The following ZBTB25 variants were observed in gnomAD, a reference collection of about 807,000 sequenced individuals.
ZBTB25 encodes zinc finger and BTB domain-containing protein 25.
ZBTB25 carries 20 observed loss-of-function variants against 34.2 expected under a neutral mutation model. That is an observed-to-expected ratio of 0.58 (90% CI 0.41 to 0.85). ZBTB25 has a LOEUF of 0.85. ZBTB25 is among the 40% of genes least tolerant of loss of function. The probability of loss-of-function intolerance (pLI) is 0.00; values close to 1 mark genes in which losing one functional copy is unlikely to be tolerated. For synonymous variants in ZBTB25, 175 were observed against 186.4 expected (o/e 0.94, Z 0.50); for missense variants, 437 against 521.8 (o/e 0.84, Z 1.58).
upstream of ZBTB25, chr14:64,504,558 C>T (rs2079606352): frequency 5.1e-6 from 1 of 195,446 alleles, no homozygotes; most frequent in Admixed American, 6.1e-5. Context: ...GTTGCGCCAG[C>T]CTCCTCGGAG....
chr14:64,488,768 T>A (rs2078968672), intron 2 of ZBTB25, among the ~76,000 whole-genome samples: 1 of 152,184 alleles, frequency 6.6e-6, no homozygotes, highest in Non-Finnish European at 1.5e-5. Flanking sequence ...TGGGGAGTTA[T>A]TGCTTAATGG....
chr14:64,490,307 A>G, intron 2 of ZBTB25, 54 bp downstream of exon 2: 1 of 1,365,468 alleles, frequency 7.3e-7, no homozygotes, highest in Non-Finnish European at 9.8e-7. Flanking sequence ...ACTATAATAA[A>G]GCTTATATAA....
In ZBTB25 at chr14:64,485,033, A is replaced by AT; in HGVS notation, c.*1889dup. On this transcript the variant is annotated 3_prime_UTR_variant, in exon 3 of 3. Coordinates refer to ENST00000608382, the MANE Select transcript of ZBTB25 (RefSeq NM_006977.5). The stretch of plus-strand genomic sequence containing the variant: ...CTCTCAACACACATCAGTCTTAACC[A>AT]TAGGAGCCTTTACTCACTTGTTTAA... 1.0e-6 allele frequency: 1 copy of AT among 985,490 alleles called. No individual in the cohort carries two copies. Among genetic ancestry groups the AT allele is most frequent in the Non-Finnish European group, 1.2e-6 (1 of 829,944 alleles). 61.0% of individuals were successfully genotyped at this position (985,490 alleles called of 1,614,324 possible).
In ZBTB25 at chr14:64,482,846, G is replaced by T. The variant is rs1283947893; in HGVS notation, c.*4077C>A. 1 of 152,194 alleles carries T rather than the reference G, an allele frequency of 6.6e-6. No individual in the cohort carries two copies. Among genetic ancestry groups the T allele is most frequent in the African/African-American group, 2.4e-5 (1 of 41,442 alleles). 9.4% of individuals were successfully genotyped at this position (152,194 alleles called of 1,614,324 possible). A position where few individuals can be genotyped will look rare whatever the true frequency, so the allele number is the denominator to read the frequency against. On this transcript the variant is annotated 3_prime_UTR_variant, in exon 3 of 3. Transcript: ENST00000608382. Reference sequence around the variant, plus strand: ...TTGATTTTAATCAATAATACTGAGAGAACTTAACACGTTTAATATAAATCC... The same window carrying T: ...TTGATTTTAATCAATAATACTGAGATAACTTAACACGTTTAATATAAATCC...
intron 2 of ZBTB25, chr14:64,468,795 G>A (rs1163854502): frequency 1.9e-6 from 3 of 1,614,138 alleles, no homozygotes; most frequent in Non-Finnish European, 2.5e-6. Flanking sequence ...AAATTCCCAA[G>A]AGGGCCAAAA....
rs756179929 is a variant in ZBTB25, at chr14:64,487,734, G to C, written c.497C>G (p.Pro166Arg). 5 of 1,614,054 alleles carry C rather than the reference G, an allele frequency of 3.1e-6. No individual in the cohort carries two copies. The highest frequency in any genetic ancestry group is 4.2e-6 in the Non-Finnish European group (5 of 1,180,014). ...AATAGCAAGAGACAACTGCAACTGG[G>C]GGTGGTCACCCTGGACAGCAGCTCT... ...GNRAAVQGDH[P>R]QLQLSLAIGL... Residue 166 changes from proline (P) to arginine (R), a missense_variant, in exon 3 of 3, where the codon CCC becomes CGC. Transcript: ENST00000608382.
Position 64,482,971 on chromosome 14 carries a change from A to C in ZBTB25, c.*3952T>G, listed in dbSNP as rs1198081753. ...CAATCTCAAGAGTTATAAATAAAAA[A>C]ATTTTTTGTTTTCTTATAAGGCAGA... On this transcript the variant is annotated 3_prime_UTR_variant, in exon 3 of 3. Coordinates refer to ENST00000608382, the MANE Select transcript of ZBTB25 (RefSeq NM_006977.5). 1 of 152,214 alleles carries C rather than the reference A, an allele frequency of 6.6e-6. No individual in the cohort carries two copies. Among genetic ancestry groups the C allele is most frequent in the East Asian group, 1.9e-4 (1 of 5,198 alleles). The allele number at this position is 152,214 out of a possible 1,614,324, so 9.4% of individuals were successfully genotyped here.
rs2078749305 is a variant in ZBTB25 at position 64,479,098 on chromosome 14, A to C, written c.*7825T>G. On this transcript the variant is annotated 3_prime_UTR_variant, in exon 3 of 3. Transcript: ENST00000608382. ...ATCAAGGATAATACAAATAGAATTT[A>C]ATTCTGAACACATCTCATACTCCAA... 1 of 152,220 alleles carries C rather than the reference A, an allele frequency of 6.6e-6. No homozygotes were observed. Among genetic ancestry groups the C allele is most frequent in the Non-Finnish European group, 1.5e-5 (1 of 68,028 alleles). The allele number at this position is 152,220 out of a possible 1,614,324, so 9.4% of individuals were successfully genotyped here.
intron 2 of ZBTB25, chr14:64,462,207 G>A (rs538704241): frequency 1.3e-5 from 2 of 151,978 alleles, no homozygotes; most frequent in East Asian, 3.9e-4. Context: ...GATCACTTGA[G>A]CCCAGGAGTT....
chr14:64,487,834 T>C lies in ZBTB25; in HGVS notation c.397A>G (p.Ile133Val), dbSNP rs1055715654. The C allele has an allele frequency of 3.1e-6, 5 of 1,614,084 alleles. No individual in the cohort carries two copies. The highest frequency in any genetic ancestry group is 4.5e-5 in the East Asian group (2 of 44,894). ...ACAACTGTTTTTTGGGTTGTTGAGA[T>C]CTGAATGCCATATAAATTTGAGGAC... Reference protein sequence around the residue: ...VQSSNLYGIQISTTQKTVVKQ... With the variant: ...VQSSNLYGIQVSTTQKTVVKQ... Residue 133 changes from isoleucine (I) to valine (V), a missense_variant, in exon 3 of 3, where the codon ATC (isoleucine) becomes GTC (valine). Ile to Val is a conservative substitution (Grantham distance 29). Transcript: ENST00000608382.
At position 64,488,072 on chromosome 14, in the gene ZBTB25, AAC is replaced by A. The variant is rs1358380156; in HGVS notation, c.174-17_174-16del. ...TTATGCATTCACTGTTAAAAACAAA[AAC>A]AGACCCACAAGAAATGAAACACAAC... On this transcript the variant is annotated splice_polypyrimidine_tract_variant and intron_variant, in intron 2 of 2. Transcript: ENST00000608382. 6.2e-7 allele frequency: 1 copy of A among 1,604,142 alleles called. No individual in the cohort carries two copies. The highest frequency in any genetic ancestry group is 1.7e-5 in the Admixed American group (1 of 59,514).
At chr14:64,502,839 A>C (rs1174201857) in intron 1 of ZBTB25, 1 of 977,274 alleles carries the variant, frequency 1.0e-6, no homozygotes, top group African/African-American at 1.8e-5. Context: ...GGGATGAAAC[A>C]GATTTTCTAT....
chr14:64,484,222 TA>T lies in ZBTB25; in HGVS notation c.*2700del, dbSNP rs1174928962. The T allele has an allele frequency of 2.0e-5, 3 of 152,208 alleles. No individual in the cohort carries two copies. The highest frequency in any genetic ancestry group is 7.2e-5 in the African/African-American group (3 of 41,464). 9.4% of individuals were successfully genotyped at this position (152,208 alleles called of 1,614,324 possible). ...ATTTTCTTAACTCTCAACGAACAGATATATTTCTGCTTTAAATGAGTGTTGT... is the reference window on the plus strand; with the variant it reads ...ATTTTCTTAACTCTCAACGAACAGATTATTTCTGCTTTAAATGAGTGTTGT... On this transcript the variant is annotated 3_prime_UTR_variant, in exon 3 of 3. Transcript: ENST00000608382.
intron 1 of ZBTB25, among the ~76,000 whole-genome samples, chr14:64,494,639 A>T (rs2079206978): frequency 6.6e-6 from 1 of 152,188 alleles, no homozygotes; most frequent in Non-Finnish European, 1.5e-5. Context: ...AAAAAAAAAT[A>T]AAAAAATAAA....
At chr14:64,492,597 GTC>G (rs1247601520) in intron 1 of ZBTB25, among the ~76,000 whole-genome samples, 1 of 140,618 alleles carries the variant, frequency 7.1e-6, no homozygotes, top group African/African-American at 2.6e-5. Flanking sequence ...CTGATAAGTT[GTC>G]TCAAAAAAAA....
intron 2 of ZBTB25, chr14:64,469,570 A>G (rs752963176): frequency 9.3e-6 from 15 of 1,613,776 alleles, no homozygotes; most frequent in Non-Finnish European, 1.2e-5. Flanking sequence ...AAACACTCTT[A>G]ATTGAAACAG....
chr14:64,477,351 G>T (rs2141010405), downstream of ZBTB25, among the ~76,000 whole-genome samples: 1 of 152,130 alleles, frequency 6.6e-6, no homozygotes, highest in South Asian at 2.1e-4. Context: ...CAGCAAAACT[G>T]GTATGTTAAT....
chr14:64,467,106 A>AT (rs2078620218), intron 2 of ZBTB25: 7 of 152,150 alleles, frequency 4.6e-5, no homozygotes, highest in Admixed American at 4.6e-4. Flanking sequence ...CAATTTTTTA[A>AT]TTTTTTTACT....
At chr14:64,469,600 T>C in intron 2 of ZBTB25, 1 of 1,613,182 alleles carries the variant, frequency 6.2e-7, no homozygotes, top group Non-Finnish European at 8.5e-7. Flanking sequence ...TAGTCAAGAA[T>C]GCTATTCAGT....
Sources: allele counts gnomAD v4.1 joint callset (sites outside exome capture counted in the v4.1 genomes callset), GRCh38; gene constraint gnomAD v4.1.1; transcripts MANE v1.5; gene names NCBI Gene and HGNC (gene_info 2026-07-23, HGNC 2026-07-21).